SLC35F1: variants seen among roughly 807,000 people sequenced by gnomAD.
SLC35F1 encodes solute carrier family 35 member F1.
SLC35F1 carries 14 observed loss-of-function variants against 48.7 expected under a neutral mutation model. The observed-to-expected ratio is 0.29, with a 90% CI of 0.19 to 0.45. The LOEUF (loss-of-function observed/expected upper bound fraction) is 0.45. SLC35F1 is among the 20% of genes least tolerant of loss of function. The probability of loss-of-function intolerance (pLI) is 1.00; values close to 1 mark genes in which losing one functional copy is unlikely to be tolerated. For missense variants in SLC35F1, 404 were observed against 500.0 expected (o/e 0.81, Z 1.83); for synonymous variants, 190 against 202.2 (o/e 0.94, Z 0.51).
chr6:118,296,672 G>A (rs1158193525), intron 7 of SLC35F1, among the ~76,000 whole-genome samples: 8 of 152,132 alleles, frequency 5.3e-5, no homozygotes, highest in African/African-American at 1.4e-4. Context: ...TTGAGCTCAC[G>A]TCATCATGAT....
intron 1 of SLC35F1, among the ~76,000 whole-genome samples, chr6:118,047,695 A>C (rs1191241454): frequency 6.6e-6 from 1 of 152,198 alleles, no homozygotes; most frequent in Non-Finnish European, 1.5e-5. Context: ...TCTAGTAATC[A>C]AAATTTAAAA....
chr6:117,944,592 T>TACACAC (rs60520269), intron 1 of SLC35F1, among the ~76,000 whole-genome samples: 1,873 of 135,984 alleles, frequency 0.014, 40 homozygotes, highest in African/African-American at 0.043. Flanking sequence ...CACATACACA[T>TACACAC]ACACACACAC....
intron 3 of SLC35F1, among the ~76,000 whole-genome samples, chr6:118,240,893 C>T (rs960290350): frequency 5.3e-5 from 8 of 152,132 alleles, no homozygotes; most frequent in Admixed American, 2.0e-4. Context: ...GACAAAGAGG[C>T]AGGGATCAGC....
At chr6:118,015,041 T>A (rs1299441488) in intron 1 of SLC35F1, among the ~76,000 whole-genome samples, 1 of 152,216 alleles carries the variant, frequency 6.6e-6, no homozygotes, top group Non-Finnish European at 1.5e-5. Flanking sequence ...TGAATAAGTC[T>A]CATGACATCT....
intron 7 of SLC35F1, among the ~76,000 whole-genome samples, chr6:118,288,195 T>A (rs1486322162): frequency 6.6e-6 from 1 of 152,140 alleles, no homozygotes; most frequent in East Asian, 1.9e-4. Flanking sequence ...TTTTAAGAAA[T>A]AATAGAGAAA....
At chr6:118,133,277 T>A (rs1357270413) in intron 1 of SLC35F1, among the ~76,000 whole-genome samples, 4 of 152,000 alleles carry the variant, frequency 2.6e-5, no homozygotes, top group Non-Finnish European at 5.9e-5. Context: ...GAATTAAAAA[T>A]GAAACCCAGG....
chr6:118,051,447 A>G (rs1226497111), intron 1 of SLC35F1, among the ~76,000 whole-genome samples: 1 of 152,186 alleles, frequency 6.6e-6, no homozygotes, highest in Non-Finnish European at 1.5e-5. Context: ...CTTGCATGCT[A>G]CTTTTTCAAA....
At chr6:118,260,452 A>T (rs1775698148) in intron 3 of SLC35F1, among the ~76,000 whole-genome samples, 1 of 150,800 alleles carries the variant, frequency 6.6e-6, no homozygotes, top group Non-Finnish European at 1.5e-5. Context: ...AGGGTTTTTA[A>T]TTTTTTTTAA....
intron 1 of SLC35F1, among the ~76,000 whole-genome samples, chr6:117,980,715 A>G (rs930970897): frequency 6.6e-5 from 10 of 152,216 alleles, no homozygotes; most frequent in Admixed American, 2.0e-4. Context: ...AAATATTTAT[A>G]AAGTGTCATA....
intron 4 of SLC35F1, among the ~76,000 whole-genome samples, chr6:118,272,176 T>A (rs1416474178): frequency 6.6e-6 from 1 of 152,098 alleles, no homozygotes; most frequent in Admixed American, 6.6e-5. Context: ...TACAGCTGAG[T>A]GAGCCACAGT....
intron 3 of SLC35F1, among the ~76,000 whole-genome samples, chr6:118,261,116 C>A (rs1349329673): frequency 6.6e-6 from 1 of 152,170 alleles, no homozygotes; most frequent in Non-Finnish European, 1.5e-5. Flanking sequence ...ACATGACTCT[C>A]AAAATTGATG....
intron 1 of SLC35F1, among the ~76,000 whole-genome samples, chr6:118,006,442 C>T (rs1345787054): frequency 1.3e-5 from 2 of 151,946 alleles, no homozygotes; most frequent in African/African-American, 2.4e-5. Flanking sequence ...CATGATGAGA[C>T]CCCATCTCTA....
intron 2 of SLC35F1, among the ~76,000 whole-genome samples, chr6:118,162,260 C>T (rs564134836): frequency 2.0e-5 from 3 of 152,100 alleles, no homozygotes; most frequent in South Asian, 2.1e-4. Flanking sequence ...AGAATCCAGA[C>T]GTGAAAGTTT....
intron 1 of SLC35F1, among the ~76,000 whole-genome samples, chr6:117,947,761 G>A (rs368679533): frequency 1.3e-5 from 2 of 152,244 alleles, no homozygotes; most frequent in South Asian, 4.2e-4. Context: ...TATTTGGAAT[G>A]TATAGTATGT....
At chr6:118,253,201 A>G (rs1775598473) in intron 3 of SLC35F1, among the ~76,000 whole-genome samples, 1 of 152,052 alleles carries the variant, frequency 6.6e-6, no homozygotes, top group South Asian at 2.1e-4. Flanking sequence ...TATTTGAGAG[A>G]TGAGAGTAGA....
intron 1 of SLC35F1, among the ~76,000 whole-genome samples, chr6:118,100,872 C>G (rs1314144272): frequency 1.3e-5 from 2 of 152,178 alleles, no homozygotes; most frequent in Admixed American, 6.5e-5. Flanking sequence ...CTGCCCCCAT[C>G]TTGAGTCACC....
At chr6:118,157,141 A>G (rs1774156415) in intron 2 of SLC35F1, among the ~76,000 whole-genome samples, 1 of 152,204 alleles carries the variant, frequency 6.6e-6, no homozygotes, top group South Asian at 2.1e-4. Flanking sequence ...CTGACAGCCC[A>G]GGAAACTGCT....
chr6:117,969,511 G>A (rs1049731841), intron 1 of SLC35F1, among the ~76,000 whole-genome samples: 4 of 152,144 alleles, frequency 2.6e-5, no homozygotes, highest in Non-Finnish European at 5.9e-5. Flanking sequence ...GATCGCTTGA[G>A]ATGAGTTTGA....
chr6:118,180,331 A>T (rs1774555541), intron 2 of SLC35F1, among the ~76,000 whole-genome samples: 1 of 152,132 alleles, frequency 6.6e-6, no homozygotes, highest in South Asian at 2.1e-4. Context: ...ATTTTTTAAC[A>T]TTTTAAACAA....
Sources: allele counts gnomAD v4.1 joint callset (sites outside exome capture counted in the v4.1 genomes callset), GRCh38; gene constraint gnomAD v4.1.1; transcripts MANE v1.5; gene names NCBI Gene and HGNC (gene_info 2026-07-23, HGNC 2026-07-21).